The following PTPRN2 variants were observed in gnomAD, a reference collection of about 807,000 sequenced individuals.
PTPRN2 encodes receptor-type tyrosine-protein phosphatase N2.
In PTPRN2, 74 loss-of-function variants were observed where a neutral mutation model predicts 118.8. The ratio of observed to expected loss-of-function variants is 0.62; its 90% CI spans 0.52 to 0.76. The LOEUF is 0.76. PTPRN2 is among the 30% of genes least tolerant of loss of function. The probability of loss-of-function intolerance (pLI) is 0.00; values close to 1 mark genes in which losing one functional copy is unlikely to be tolerated. For missense variants in PTPRN2, 1,481 were observed against 1,394.4 expected, an observed-to-expected ratio of 1.06 and a Z score of -0.99; for synonymous variants, 641 against 608.0, an observed-to-expected ratio of 1.05 and a Z score of -0.80.
chr7:158,575,340 A>T (rs1828266396), intron 1 of PTPRN2, among the ~76,000 whole-genome samples: 1 of 152,254 alleles, frequency 6.6e-6, no homozygotes, highest in South Asian at 2.1e-4. Flanking sequence ...AGTACCAATA[A>T]ACCAAACACG....
intron 9 of PTPRN2, among the ~76,000 whole-genome samples, chr7:158,122,361 T>C (rs764839222): frequency 3.9e-5 from 6 of 152,142 alleles, no homozygotes; most frequent in Non-Finnish European, 8.8e-5. Flanking sequence ...CGGCAAGCAC[T>C]CACTGGAGGG....
chr7:157,743,193 G>A (rs577429929), intron 12 of PTPRN2, among the ~76,000 whole-genome samples: 2 of 152,220 alleles, frequency 1.3e-5, no homozygotes, highest in Non-Finnish European at 2.9e-5. Context: ...CTCTTGGGGT[G>A]AGGGCAGGGG....
chr7:158,331,042 T>C (rs1419479582), intron 2 of PTPRN2, among the ~76,000 whole-genome samples: 5 of 144,680 alleles, frequency 3.5e-5, no homozygotes, highest in Middle Eastern at 3.9e-3. Flanking sequence ...CCATAAGAGG[T>C]GACACCTGCA....
rs139214346 is a variant in PTPRN2, at chr7:158,535,469, G to A, written c.113-45684C>T. Among the ~76,000 whole-genome samples, 1,405 of 152,156 alleles carry A rather than the reference G, an allele frequency of 9.2e-3. 18 individuals are homozygous for A. Among genetic ancestry groups the A allele is most frequent in the African/African-American group, 0.032 (1,317 of 41,498 alleles). ...CCTGCATTTAATCTGTGCTGTTTTC[G>A]TTCTCCTGATACAGAACTGTGTCAG... On this transcript the variant is annotated intron_variant, in intron 1 of 22. Transcript: ENST00000389418.
intron 3 of PTPRN2, among the ~76,000 whole-genome samples, chr7:158,262,878 CACACAT>C (rs1054392269): frequency 2.1e-5 from 3 of 143,008 alleles, no homozygotes; most frequent in African/African-American, 5.2e-5. Context: ...ACACACTGCA[CACACAT>C]ACATTCACAC....
At chr7:158,064,241 C>G (rs1421505416) in intron 11 of PTPRN2, among the ~76,000 whole-genome samples, 2 of 152,236 alleles carry the variant, frequency 1.3e-5, no homozygotes, top group Admixed American at 6.5e-5. Flanking sequence ...ACCGCATTGA[C>G]TCTGGCAACC....
intron 11 of PTPRN2, among the ~76,000 whole-genome samples, chr7:157,989,238 T>A (rs548019710): frequency 1.2e-3 from 185 of 152,110 alleles, no homozygotes; most frequent in African/African-American, 4.1e-3. Flanking sequence ...GGCAACATGG[T>A]GAAACTCTGT....
chr7:158,392,185 G>T (rs1811979106), intron 2 of PTPRN2, among the ~76,000 whole-genome samples: 1 of 152,114 alleles, frequency 6.6e-6, no homozygotes, highest in Non-Finnish European at 1.5e-5. Flanking sequence ...TTCATCTCCT[G>T]TCCATCCTCA....
chr7:158,460,474 C>T (rs113094552), intron 2 of PTPRN2, among the ~76,000 whole-genome samples: 1 of 127,532 alleles, frequency 7.8e-6, no homozygotes, highest in East Asian at 2.5e-4. Flanking sequence ...TGTGCCAAGA[C>T]CACAGGAGGG....
intron 2 of PTPRN2, among the ~76,000 whole-genome samples, chr7:158,336,824 C>G (rs1267894865): frequency 9.7e-6 from 1 of 102,598 alleles, no homozygotes; most frequent in African/African-American, 3.4e-5. Flanking sequence ...TAAGAAGTGA[C>G]ACCTGCAGAC....
intron 3 of PTPRN2, among the ~76,000 whole-genome samples, chr7:158,268,391 C>T (rs1005686882): frequency 6.1e-5 from 9 of 146,518 alleles, no homozygotes; most frequent in Non-Finnish European, 1.0e-4. Flanking sequence ...AATATCCCAG[C>T]CGCACGCACA....
intron 19 of PTPRN2, among the ~76,000 whole-genome samples, chr7:157,576,301 T>C (rs1800036921): frequency 2.6e-5 from 4 of 152,306 alleles, no homozygotes; most frequent in Non-Finnish European, 5.9e-5. Context: ...TATGCATCAA[T>C]ATCCTGTGGC....
intron 11 of PTPRN2, among the ~76,000 whole-genome samples, chr7:157,933,283 T>G (rs1799496012): frequency 7.9e-6 from 1 of 126,396 alleles, no homozygotes; most frequent in African/African-American, 3.5e-5. Flanking sequence ...AGAGGAGGGG[T>G]GAGTCACTCT....
intron 2 of PTPRN2, among the ~76,000 whole-genome samples, chr7:158,358,510 C>T (rs541498857): frequency 1.3e-5 from 2 of 152,218 alleles, no homozygotes; most frequent in African/African-American, 4.8e-5. Flanking sequence ...TGTACCCCCA[C>T]GCACACAGCA....
rs79546999 is a variant in PTPRN2, at chr7:158,505,948, G to A, written c.113-16163C>T. Among the ~76,000 whole-genome samples the A allele has an allele frequency of 1.8e-3, 273 of 152,334 alleles. 7 individuals are homozygous for A. In the East Asian group the frequency reaches 0.034, roughly 19 times the overall value. Reference sequence around the variant, plus strand: ...ACCTGGCAGCTACAGTGGGTCAGACGCTGCACCGGGTACAGCAGGAAGCAC... The same window carrying A: ...ACCTGGCAGCTACAGTGGGTCAGACACTGCACCGGGTACAGCAGGAAGCAC... On this transcript the variant is annotated intron_variant, in intron 1 of 22. Coordinates refer to ENST00000389418, the MANE Select transcript of PTPRN2 (RefSeq NM_002847.5).
intron 3 of PTPRN2, among the ~76,000 whole-genome samples, chr7:158,279,100 C>T (rs896989429): frequency 6.6e-6 from 1 of 152,190 alleles, no homozygotes; most frequent in African/African-American, 2.4e-5. Context: ...TGGAATGGGA[C>T]CCAACCGGTT....
At chr7:157,790,061 G>T (rs1804361785) in intron 12 of PTPRN2, among the ~76,000 whole-genome samples, 1 of 127,532 alleles carries the variant, frequency 7.8e-6, no homozygotes, top group African/African-American at 3.0e-5. Context: ...TGTGTGGTGT[G>T]AATGTGTGGT....
intron 12 of PTPRN2, chr7:157,740,479 C>G (rs1014414281): frequency 6.6e-6 from 1 of 152,246 alleles, no homozygotes; most frequent in Non-Finnish European, 1.5e-5. Context: ...CTCCCTCCGT[C>G]CACGGCAACG....
chr7:158,485,943 A>T (rs1820986221), intron 2 of PTPRN2, among the ~76,000 whole-genome samples: 1 of 152,184 alleles, frequency 6.6e-6, no homozygotes, highest in Non-Finnish European at 1.5e-5. Flanking sequence ...CGACGTTATT[A>T]ACAACTTTTT....
Sources: allele counts gnomAD v4.1 joint callset (sites outside exome capture counted in the v4.1 genomes callset), GRCh38; gene constraint gnomAD v4.1.1; transcripts MANE v1.5; gene names NCBI Gene and HGNC (gene_info 2026-07-23, HGNC 2026-07-21).